KLF17: variants seen among roughly 807,000 people sequenced by gnomAD.
The protein encoded by KLF17 is KLF transcription factor 17.
Under a neutral mutation model 34.2 loss-of-function variants are expected in KLF17, and 31 were observed. The ratio of observed to expected loss-of-function variants is 0.91; its 90% confidence interval spans 0.68 to 1.22. The LOEUF (loss-of-function observed/expected upper bound fraction) is 1.22. Ranked by LOEUF, KLF17 falls within the 50% of genes most tolerant of loss-of-function variation. KLF17 has a pLI of 0.00. For missense variants in KLF17, 478 were observed against 505.2 expected, an observed-to-expected ratio of 0.95 and a Z score of 0.52; for synonymous variants, 179 against 186.7, an observed-to-expected ratio of 0.96 and a Z score of 0.34.
chr1:44,119,819 A>G (rs2087926343), intron 1 of KLF17, among the ~76,000 whole-genome samples: 1 of 152,220 alleles, frequency 6.6e-6, no homozygotes, highest in South Asian at 2.1e-4. Context: ...GAACAGTGGG[A>G]AGCCATTGAT....
At chr1:44,128,598 A>G (rs1395733716) in intron 1 of KLF17, among the ~76,000 whole-genome samples, 1 of 152,060 alleles carries the variant, frequency 6.6e-6, no homozygotes, top group Non-Finnish European at 1.5e-5. Flanking sequence ...ATATTTGCAG[A>G]TGATGTCTAA....
At chr1:44,080,104 T>A in the KLF17 span, among the ~76,000 whole-genome samples, 1 of 152,020 alleles carries the variant, frequency 6.6e-6, no homozygotes, top group East Asian at 1.9e-4. Flanking sequence ...AATTTTTGTA[T>A]TTTTAGTAGA....
the KLF17 span, among the ~76,000 whole-genome samples, chr1:44,085,285 A>G: frequency 6.6e-6 from 1 of 152,186 alleles, no homozygotes; most frequent in African/African-American, 2.4e-5. Flanking sequence ...ATGTTAGGTC[A>G]CACCTACAGA....
the KLF17 span, chr1:44,046,113 A>T: frequency 7.0e-6 from 1 of 142,604 alleles, no homozygotes; most frequent in Non-Finnish European, 1.5e-5. Flanking sequence ...GAATTCATCC[A>T]CAAGATTTGG....
chr1:44,132,844 A>G (rs547982477), intron 3 of KLF17, among the ~76,000 whole-genome samples: 1 of 152,306 alleles, frequency 6.6e-6, no homozygotes, highest in African/African-American at 2.4e-5. Context: ...CCAGCCAGGT[A>G]GTTTAGAACC....
the KLF17 span, among the ~76,000 whole-genome samples, chr1:44,095,450 G>A: frequency 6.8e-6 from 1 of 146,988 alleles, no homozygotes; most frequent in African/African-American, 2.5e-5. Flanking sequence ...CCCGACCTCA[G>A]GTGATCCACC....
chr1:44,066,744 A>G, the KLF17 span, among the ~76,000 whole-genome samples: 1 of 152,226 alleles, frequency 6.6e-6, no homozygotes, highest in African/African-American at 2.4e-5. Flanking sequence ...CGCTATATGT[A>G]AGAGCACAAA....
At chr1:44,106,490 T>C in the KLF17 span, 3 of 152,196 alleles carry the variant, frequency 2.0e-5, no homozygotes, top group East Asian at 1.9e-4. Flanking sequence ...AGAGTGAAAA[T>C]TGAGGCAGAT....
Position 44,129,574 on chromosome 1 carries a change from C to G in KLF17, c.303C>G (p.Cys101Trp). 1 of 1,614,008 alleles carries G rather than the reference C, an allele frequency of 6.2e-7. No individual in the cohort carries two copies. Among genetic ancestry groups the G allele is most frequent in the Non-Finnish European group, 8.5e-7 (1 of 1,179,962 alleles). Residue 101 changes from cysteine (C) to tryptophan (W), a missense_variant, in exon 2 of 4, where the codon TGC becomes TGG. By Grantham distance (215) the Cys-to-Trp change is radical. Coordinates refer to ENST00000372299, the MANE Select transcript of KLF17 (RefSeq NM_173484.4). Reference protein sequence around the residue: ...MPLPERGMSYCPQATLTPSRM... With the variant: ...MPLPERGMSYWPQATLTPSRM... ...TGCCTGAGCGTGGTATGAGCTACTG[C>G]CCCCAAGCGACTCTCACTCCTTCCC...
chr1:44,104,376 C>T, the KLF17 span: 2 of 1,075,602 alleles, frequency 1.9e-6, no homozygotes, highest in Non-Finnish European at 2.8e-6. Context: ...CGTGTTGCTC[C>T]CAGCCGTCTG....
At chr1:44,127,675 T>C (rs2429052) in intron 1 of KLF17, among the ~76,000 whole-genome samples, 7 of 46,488 alleles carry the variant, frequency 1.5e-4, no homozygotes, top group Non-Finnish European at 2.8e-4. Flanking sequence ...TCTTTCTTTC[T>C]TTCTTTCTTT....
At chr1:44,059,867 A>G in the KLF17 span, among the ~76,000 whole-genome samples, 1 of 152,064 alleles carries the variant, frequency 6.6e-6, no homozygotes, top group Non-Finnish European at 1.5e-5. Flanking sequence ...GAGACCATAT[A>G]TGGTGCCTTC....
the KLF17 span, chr1:44,103,399 T>C: frequency 1.3e-6 from 1 of 766,756 alleles, no homozygotes; most frequent in Non-Finnish European, 2.4e-6. Flanking sequence ...ACGGCCCTGG[T>C]GGAGCTGGTG....
At chr1:44,073,926 C>T in the KLF17 span, among the ~76,000 whole-genome samples, 221 of 152,246 alleles carry the variant, frequency 1.5e-3, 1 homozygote, top group Admixed American at 4.3e-3. Context: ...CTTACTACCA[C>T]AAAAGTTTCA....
intron 1 of KLF17, among the ~76,000 whole-genome samples, chr1:44,119,669 G>A (rs960155655): frequency 5.3e-5 from 8 of 152,154 alleles, no homozygotes; most frequent in South Asian, 4.1e-4. Context: ...TAAAGAACCC[G>A]TCAGGTGAAA....
the KLF17 span, among the ~76,000 whole-genome samples, chr1:44,046,440 G>A: frequency 4.0e-5 from 6 of 151,706 alleles, no homozygotes; most frequent in South Asian, 1.3e-3. Flanking sequence ...TAGGCTAGTC[G>A]TGAACTCCTG....
rs1571985800 is a variant in KLF17 at position 44,122,637 on chromosome 1, C to G, written c.81+3649C>G. On this transcript the variant is annotated intron_variant, in intron 1 of 3. Transcript: ENST00000372299. ...TGAGATAGAGTCTCACTCTCTCCCCCAGGCTGGAGTGCAGTGGCACGATCT... is the reference window on the plus strand; with the variant it reads ...TGAGATAGAGTCTCACTCTCTCCCCGAGGCTGGAGTGCAGTGGCACGATCT... The G allele has an allele frequency of 1.3e-5, 8 of 621,678 alleles. No individual in the cohort carries two copies. The East Asian group carries it at 2.3e-4, about 18-fold the overall frequency. The allele number at this position is 621,678 out of a possible 1,614,324, so 38.5% of individuals were successfully genotyped here. A position where few individuals can be genotyped will look rare whatever the true frequency, so the allele number is the denominator to read the frequency against.
At chr1:44,132,247 G>A (rs1232198338) in intron 3 of KLF17, among the ~76,000 whole-genome samples, 3 of 152,042 alleles carry the variant, frequency 2.0e-5, no homozygotes, top group Non-Finnish European at 2.9e-5. Context: ...TGGAGGTTGC[G>A]GTGAGCCAAG....
At chr1:44,115,413 T>G (rs940600082), upstream of KLF17, 26 of 127,116 alleles carry the variant, frequency 2.0e-4, no homozygotes, top group African/African-American at 8.1e-4. Context: ...ATCGCGCCAC[T>G]GCACTCTAGC....
Sources: gnomAD v4.1 joint callset for allele counts (sites outside exome capture counted in the v4.1 genomes callset) on GRCh38, gnomAD v4.1.1 for gene constraint, MANE v1.5 for transcripts, NCBI Gene and HGNC (gene_info 2026-07-23, HGNC 2026-07-21) for gene names.